The following ZBTB16 variants were observed in gnomAD, a reference collection of about 807,000 sequenced individuals.
The protein encoded by ZBTB16 is zinc finger and BTB domain containing 16, also known as zinc finger and BTB domain-containing protein 16.
A neutral mutation model predicts 56.8 loss-of-function variants in ZBTB16; 8 were observed. The observed-to-expected ratio is 0.14, with a 90% confidence interval of 0.08 to 0.25. The LOEUF (loss-of-function observed/expected upper bound fraction) is 0.25, where lower values mean the gene tolerates loss of function less well. Among genes scored for constraint, ZBTB16 ranks in the 10% least tolerant of loss-of-function variants. The pLI is 1.00. For synonymous variants in ZBTB16, 363 were observed against 368.5 expected (o/e 0.98, Z 0.17); for missense variants, 625 against 903.0 (o/e 0.69, Z 3.95).
intron 4 of ZBTB16, among the ~76,000 whole-genome samples, chr11:114,225,476 G>A (rs957729106): frequency 6.6e-6 from 1 of 152,174 alleles, no homozygotes; most frequent in Non-Finnish European, 1.5e-5. Flanking sequence ...CAAGATCAGG[G>A]TGCCAGCGTC....
chr11:114,067,014 T>C (rs565379904), intron 2 of ZBTB16, among the ~76,000 whole-genome samples: 1 of 152,098 alleles, frequency 6.6e-6, no homozygotes, highest in Admixed American at 6.5e-5. Flanking sequence ...TTGCGATCCA[T>C]CCACCTCGGC....
chr11:114,126,694 A>T (rs1164568707), intron 2 of ZBTB16, among the ~76,000 whole-genome samples: 1 of 152,106 alleles, frequency 6.6e-6, no homozygotes, highest in Non-Finnish European at 1.5e-5. Flanking sequence ...CTGAAAGTCT[A>T]TTCCTTGGAG....
intron 2 of ZBTB16, among the ~76,000 whole-genome samples, chr11:114,156,075 C>A (rs551920050): frequency 6.6e-6 from 1 of 152,292 alleles, no homozygotes; most frequent in African/African-American, 2.4e-5. Context: ...GGAATTGGAT[C>A]TGATTTTTTT....
At chr11:114,129,500 G>A (rs551349253) in intron 2 of ZBTB16, among the ~76,000 whole-genome samples, 14 of 152,314 alleles carry the variant, frequency 9.2e-5, no homozygotes, top group Admixed American at 2.6e-4. Context: ...CTCCCAGCAC[G>A]CGCCCCTTGG....
At chr11:114,087,688 C>T (rs1374057041) in intron 2 of ZBTB16, among the ~76,000 whole-genome samples, 2 of 152,202 alleles carry the variant, frequency 1.3e-5, no homozygotes, top group African/African-American at 4.8e-5. Context: ...GATGGGGTTG[C>T]TCTCCTGCTC....
chr11:114,239,254 G>A (rs1944654121), intron 4 of ZBTB16, among the ~76,000 whole-genome samples: 1 of 152,192 alleles, frequency 6.6e-6, no homozygotes, highest in African/African-American at 2.4e-5. Context: ...TGTTCCCTCT[G>A]CCCAGGTTCC....
chr11:114,217,001 G>A (rs1344833157), intron 4 of ZBTB16, among the ~76,000 whole-genome samples: 2 of 152,176 alleles, frequency 1.3e-5, no homozygotes, highest in Non-Finnish European at 2.9e-5. Flanking sequence ...AGATACCCAG[G>A]GGACAGATAA....
chr11:114,108,942 T>C (rs1214154496), intron 2 of ZBTB16, among the ~76,000 whole-genome samples: 3 of 152,198 alleles, frequency 2.0e-5, no homozygotes, highest in Non-Finnish European at 2.9e-5. Flanking sequence ...ACCCAGCCAG[T>C]CCTAGCTTCA....
At chr11:114,233,548 A>G (rs774708792) in intron 4 of ZBTB16, among the ~76,000 whole-genome samples, 15 of 151,872 alleles carry the variant, frequency 9.9e-5, no homozygotes, top group Non-Finnish European at 2.2e-4. Flanking sequence ...GAAAATGCAG[A>G]TCTTGTCCCC....
intron 3 of ZBTB16, among the ~76,000 whole-genome samples, chr11:114,182,794 A>G (rs1346596034): frequency 6.6e-6 from 1 of 152,198 alleles, no homozygotes. Flanking sequence ...TGGTTTATAC[A>G]CACTTGAGTT....
intron 2 of ZBTB16, among the ~76,000 whole-genome samples, chr11:114,149,175 A>G (rs1016731752): frequency 1.3e-5 from 2 of 152,138 alleles, no homozygotes; most frequent in African/African-American, 2.4e-5. Context: ...CAACCTTTGC[A>G]TTGTTGCAGA....
intron 2 of ZBTB16, among the ~76,000 whole-genome samples, chr11:114,090,406 C>A (rs1940141816): frequency 6.6e-6 from 1 of 152,180 alleles, no homozygotes; most frequent in Non-Finnish European, 1.5e-5. Context: ...TGAGTTGAGG[C>A]CTTGTCTGGC....
At chr11:114,116,069 A>G (rs1941164924) in intron 2 of ZBTB16, among the ~76,000 whole-genome samples, 1 of 152,156 alleles carries the variant, frequency 6.6e-6, no homozygotes, top group Non-Finnish European at 1.5e-5. Flanking sequence ...TTCAAGCTTC[A>G]AGGTTTTCAC....
intron 4 of ZBTB16, among the ~76,000 whole-genome samples, chr11:114,233,199 T>A (rs1186377750): frequency 1.3e-5 from 2 of 151,516 alleles, no homozygotes; most frequent in African/African-American, 4.9e-5. Flanking sequence ...TTCTGGAATG[T>A]CTGGAAGGGT....
chr11:114,119,089 A>G (rs1941261319), intron 2 of ZBTB16, among the ~76,000 whole-genome samples: 3 of 151,830 alleles, frequency 2.0e-5, no homozygotes, highest in Admixed American at 2.0e-4. Context: ...ACATGGTGAA[A>G]CCATGTCTCT....
intron 2 of ZBTB16, among the ~76,000 whole-genome samples, chr11:114,119,250 G>A (rs1399001823): frequency 8.6e-6 from 1 of 116,116 alleles, no homozygotes; most frequent in African/African-American, 3.3e-5. Context: ...GGGTGAGAGA[G>A]TGAAACTCTG....
At chr11:114,110,910 C>G (rs1290326975) in intron 2 of ZBTB16, among the ~76,000 whole-genome samples, 1 of 152,096 alleles carries the variant, frequency 6.6e-6, no homozygotes, top group Non-Finnish European at 1.5e-5. Flanking sequence ...AATATTAACA[C>G]CAATTGAGCA....
Position 114,156,333 on chromosome 11 carries a change from A to G in ZBTB16, c.1269-4A>G, listed in dbSNP as rs767053945. 9.9e-6 allele frequency: 16 copies of G among 1,614,068 alleles called. No individual in the cohort carries two copies. The Admixed American group carries it at 2.2e-4, about 22-fold the overall frequency. On this transcript the variant is annotated splice_region_variant and splice_polypyrimidine_tract_variant and intron_variant, in intron 2 of 6. Transcript: ENST00000335953. ...AGCAACCTCTCTTTTCCTTTCCCTTACAGGAAGCTGCACAGTGGGATGAAG... is the reference window on the plus strand; with the variant it reads ...AGCAACCTCTCTTTTCCTTTCCCTTGCAGGAAGCTGCACAGTGGGATGAAG...
In ZBTB16 at chr11:114,247,313, C is replaced by A. The variant is rs1334778235; in HGVS notation, c.1740C>A (p.Gly580=). The A allele has an allele frequency of 6.2e-7, 1 of 1,614,258 alleles. No individual in the cohort carries two copies. The highest frequency in any genetic ancestry group is 8.5e-7 in the Non-Finnish European group (1 of 1,180,042). ...GEKPYECNGC[G]KKFSLKHQLE... is the part of the protein sequence containing the mutation. ...AACCCTACGAGTGCAATGGCTGTGG[C>A]AAGAAGTTCAGCCTCAAGCATCAGC... The change falls in exon 6 of 7, where the codon GGC becomes GGA. Residue 580 remains glycine, a synonymous_variant. Transcript: ENST00000335953.
Sources: gnomAD v4.1 joint callset for allele counts (sites outside exome capture counted in the v4.1 genomes callset) on GRCh38, gnomAD v4.1.1 for gene constraint, MANE v1.5 for transcripts, NCBI Gene and HGNC (gene_info 2026-07-23, HGNC 2026-07-21) for gene names.